The following PDE3A variants were observed in gnomAD, a reference collection of about 807,000 sequenced individuals.
The protein encoded by PDE3A is phosphodiesterase 3A, also known as cGMP-inhibited 3',5'-cyclic phosphodiesterase 3A.
In PDE3A, 43 loss-of-function variants were observed where a neutral mutation model predicts 98.3. That is an observed-to-expected ratio of 0.44 (90% CI 0.34 to 0.56). The LOEUF is 0.56. PDE3A is among the 20% of genes least tolerant of loss of function. The pLI, the probability that PDE3A is intolerant of heterozygous loss-of-function variation, is 0.01. For synonymous variants in PDE3A, 663 were observed against 567.9 expected, an observed-to-expected ratio of 1.17 and a Z score of -2.38; for missense variants, 1,427 against 1,440.7, an observed-to-expected ratio of 0.99 and a Z score of 0.15.
intron 1 of PDE3A, among the ~76,000 whole-genome samples, chr12:20,436,337 A>C (rs532323372): frequency 1.7e-4 from 26 of 152,292 alleles, no homozygotes; most frequent in African/African-American, 6.0e-4. Context: ...CTAAAAAACA[A>C]AACAAAACAA....
Position 20,687,941 on chromosome 12 carries a change from G to A in PDE3A, c.*7670G>A, listed in dbSNP as rs1202592641. Among the ~76,000 whole-genome samples the A allele has an allele frequency of 1.6e-5, 2 of 125,334 alleles. No homozygotes were observed. Among genetic ancestry groups the A allele is most frequent in the Admixed American group, 7.8e-5 (1 of 12,842 alleles). 82.2% of individuals were successfully genotyped at this position (125,334 alleles called of 152,430 possible). A position where few individuals can be genotyped will look rare whatever the true frequency, so the allele number is the denominator to read the frequency against. On this transcript the variant is annotated 3_prime_UTR_variant, in exon 16 of 16. Coordinates refer to ENST00000359062, the MANE Select transcript of PDE3A (RefSeq NM_000921.5). ...AAAAAAAAAAAAAAAAAAAAAACTGGCATTGGCAAGTTTTAATTAATATGG... is the reference window on the plus strand; with the variant it reads ...AAAAAAAAAAAAAAAAAAAAAACTGACATTGGCAAGTTTTAATTAATATGG...
intron 7 of PDE3A, 31 bp downstream of exon 7, chr12:20,633,809 A>T (rs1565456969): frequency 1.5e-6 from 2 of 1,317,916 alleles, no homozygotes; most frequent in Non-Finnish European, 1.1e-6. Flanking sequence ...CTGTTGCCCA[A>T]AATGGAAATT....
chr12:20,396,832 C>A (rs1176692433), intron 1 of PDE3A, among the ~76,000 whole-genome samples: 1 of 151,908 alleles, frequency 6.6e-6, no homozygotes, highest in Non-Finnish European at 1.5e-5. Context: ...TTTTCAGAAT[C>A]CTTTGCTATG....
At chr12:20,498,195 C>G (rs1287354627) in intron 1 of PDE3A, among the ~76,000 whole-genome samples, 2 of 152,004 alleles carry the variant, frequency 1.3e-5, no homozygotes, top group Non-Finnish European at 2.9e-5. Context: ...AAAATTTACC[C>G]TAATGTTAAA....
chr12:20,661,940 C>T (rs1371120552), intron 15 of PDE3A, among the ~76,000 whole-genome samples: 1 of 152,068 alleles, frequency 6.6e-6, no homozygotes, highest in Non-Finnish European at 1.5e-5. Context: ...AATGGTAGAT[C>T]CACCAACAGC....
At chr12:20,541,182 G>A (rs1048344296) in intron 1 of PDE3A, among the ~76,000 whole-genome samples, 3 of 138,410 alleles carry the variant, frequency 2.2e-5, no homozygotes, top group African/African-American at 5.4e-5. Flanking sequence ...CTATAGCCTC[G>A]AACTCCTGGG....
chr12:20,518,853 ATGT>A (rs1180260821), intron 1 of PDE3A, among the ~76,000 whole-genome samples: 1 of 152,158 alleles, frequency 6.6e-6, no homozygotes, highest in Non-Finnish European at 1.5e-5. Context: ...TTTTATAGCT[ATGT>A]TGTTGAATCT....
intron 2 of PDE3A, among the ~76,000 whole-genome samples, chr12:20,612,955 C>G (rs560694677): frequency 9.9e-5 from 15 of 151,550 alleles, no homozygotes; most frequent in African/African-American, 3.6e-4. Context: ...GTGTCTATCT[C>G]GAATAACATT....
intron 1 of PDE3A, among the ~76,000 whole-genome samples, chr12:20,459,833 C>G (rs1202826064): frequency 6.6e-6 from 1 of 152,076 alleles, no homozygotes; most frequent in Non-Finnish European, 1.5e-5. Flanking sequence ...GAATCAATTA[C>G]AGTGATAACA....
At chr12:20,454,181 C>T (rs889084334) in intron 1 of PDE3A, among the ~76,000 whole-genome samples, 2 of 152,158 alleles carry the variant, frequency 1.3e-5, no homozygotes, top group African/African-American at 4.8e-5. Flanking sequence ...TTGCTTGAAC[C>T]CGTTAAGCAT....
intron 1 of PDE3A, among the ~76,000 whole-genome samples, chr12:20,538,068 A>T (rs1390156008): frequency 6.6e-6 from 1 of 152,212 alleles, no homozygotes; most frequent in East Asian, 1.9e-4. Flanking sequence ...CTTTTACTTC[A>T]GAGAAAATTC....
In PDE3A at chr12:20,552,202, A is replaced by C. The variant is rs1942228912; in HGVS notation, c.961-4458A>C. On this transcript the variant is annotated intron_variant, in intron 1 of 15. Transcript: ENST00000359062. This position sits in a 1 kb window ranked among gnomAD's most constrained non-coding sequence, Gnocchi z 5.1. Reference sequence around the variant, plus strand: ...CAATGACCAAGAAGGGGCCGAGGCCAAGGACTGGCGGTCGGGGAAGCCGGT... The same window carrying C: ...CAATGACCAAGAAGGGGCCGAGGCCCAGGACTGGCGGTCGGGGAAGCCGGT... 11 of 1,613,822 alleles carry C rather than the reference A, an allele frequency of 6.8e-6. No individual in the cohort carries two copies. The highest frequency in any genetic ancestry group is 3.3e-4 in the Middle Eastern group (2 of 6,004).
chr12:20,450,397 C>CCATA (rs770628509), intron 1 of PDE3A, among the ~76,000 whole-genome samples: 6 of 152,096 alleles, frequency 3.9e-5, no homozygotes, highest in African/African-American at 1.4e-4. Context: ...AGAGACAGTG[C>CCATA]CATATTCTTG....
rs560945091 is a variant in PDE3A at position 20,507,244 on chromosome 12, A to G, written c.961-49416A>G. Among the ~76,000 whole-genome samples the G allele has an allele frequency of 5.3e-5, 8 of 152,140 alleles. No homozygotes were observed. The East Asian group carries it at 1.2e-3, about 22-fold the overall frequency. ...TACGAGTCCAAGTTCTGCCTCTTCT[A>G]AAATTCATTACCATAAAGGAAGTTG... is the stretch of plus-strand genomic sequence containing the variant. On this transcript the variant is annotated intron_variant, in intron 1 of 15. Transcript: ENST00000359062.
Position 20,369,188 on chromosome 12 carries a change from TGCGTGTGTGTGTGTGTGTGTGTGCGC to T in PDE3A, c.-93_-68del. On this transcript the variant is annotated 5_prime_UTR_variant, in exon 1 of 16. Transcript: ENST00000359062. ...AGGGTGGAATTGGGAAGAGCGTGCGTGCGTGTGTGTGTGTGTGTGTGTGCGCGCGCGCGCGTGGGTCGGGGCGGGGG... is the reference window on the plus strand; with the variant it reads ...AGGGTGGAATTGGGAAGAGCGTGCGTGCGCGCGCGTGGGTCGGGGCGGGGG... 1.4e-6 allele frequency: 1 copy of T among 726,858 alleles called. No homozygotes were observed. The highest frequency in any genetic ancestry group is 3.1e-5 in the Admixed American group (1 of 31,746). 45.0% of individuals were successfully genotyped at this position (726,858 alleles called of 1,614,324 possible).
At chr12:20,462,421 G>A (rs373075971) in intron 1 of PDE3A, among the ~76,000 whole-genome samples, 18 of 152,264 alleles carry the variant, frequency 1.2e-4, no homozygotes, top group African/African-American at 4.3e-4. Flanking sequence ...AACCTGGGAG[G>A]CAGAGATTTC....
intron 2 of PDE3A, among the ~76,000 whole-genome samples, chr12:20,590,463 G>T (rs1263321880): frequency 1.3e-5 from 2 of 150,180 alleles, no homozygotes; most frequent in Non-Finnish European, 3.0e-5. Context: ...TAGTCTGGAG[G>T]AGAAAGGACA....
At chr12:20,527,302 G>A in intron 1 of PDE3A, among the ~76,000 whole-genome samples, 1 of 152,106 alleles carries the variant, frequency 6.6e-6, no homozygotes, top group South Asian at 2.1e-4. Flanking sequence ...AAGATGAATG[G>A]ATCACTCGTT....
rs1209071680 is a variant in PDE3A at position 20,595,592 on chromosome 12, AT to A, written c.1012-17850del. On this transcript the variant is annotated intron_variant, in intron 2 of 15. Transcript: ENST00000359062. ...CTTGATGGATATTCAAGAAGCTCTT[AT>A]AATCTTTTGAGCCAGAGTAGAATGT... Among the ~76,000 whole-genome samples, 9 of 152,350 alleles carry A rather than the reference AT, an allele frequency of 5.9e-5. No individual in the cohort carries two copies. In the East Asian group the frequency reaches 1.7e-3, roughly 29 times the overall value.
Sources: allele counts gnomAD v4.1 joint callset (sites outside exome capture counted in the v4.1 genomes callset), GRCh38; gene constraint gnomAD v4.1.1; non-coding constraint Gnocchi (gnomAD v3.1); transcripts MANE v1.5; gene names NCBI Gene and HGNC (gene_info 2026-07-23, HGNC 2026-07-21).